Variants in CASZ1 observed in about 807,000 individuals in gnomAD.
The protein encoded by CASZ1 is castor zinc finger 1.
CASZ1 carries 28 observed loss-of-function variants against 135.2 expected under a neutral mutation model. That is an observed-to-expected ratio of 0.21 (90% confidence interval 0.15 to 0.28). The LOEUF (loss-of-function observed/expected upper bound fraction) is 0.28, where lower values mean the gene tolerates loss of function less well. Ranked by LOEUF, CASZ1 falls within the 10% of genes least tolerant of loss-of-function variation. The probability of loss-of-function intolerance (pLI) is 1.00; values close to 1 mark genes in which losing one functional copy is unlikely to be tolerated. For missense variants in CASZ1, 2,161 were observed against 2,453.3 expected (o/e 0.88, Z 2.52); for synonymous variants, 1,068 against 1,073.4 (o/e 0.99, Z 0.10).
Position 10,702,502 on chromosome 1 carries a change from G to A in CASZ1, c.-24+2990C>T, listed in dbSNP as rs569109831. On this transcript the variant is annotated intron_variant, in intron 3 of 20. Coordinates refer to ENST00000377022, the MANE Select transcript of CASZ1 (RefSeq NM_001079843.3). ...CAGGGAACTCACCCACAAAATCCAAGCCAGCCCCATCAGTCACTTGTTAGA... is the reference window on the plus strand; with the variant it reads ...CAGGGAACTCACCCACAAAATCCAAACCAGCCCCATCAGTCACTTGTTAGA... 2.6e-3 allele frequency among the ~76,000 whole-genome samples: 397 copies of A among 152,320 alleles called. 1 individual carries two copies. Among genetic ancestry groups the A allele is most frequent in the African/African-American group, 9.3e-3 (385 of 41,576 alleles).
At chr1:10,751,718 T>G (rs1259716864) in intron 2 of CASZ1, among the ~76,000 whole-genome samples, 1 of 152,170 alleles carries the variant, frequency 6.6e-6, no homozygotes, top group Admixed American at 6.5e-5. Flanking sequence ...GGCCCCCTTC[T>G]GCTCACACCA....
rs1376217670 is a variant in CASZ1 at position 10,739,777 on chromosome 1, C to A, written c.-77+20924G>T. Among the ~76,000 whole-genome samples the A allele has an allele frequency of 6.6e-6, 1 of 152,200 alleles. No individual in the cohort carries two copies. Among genetic ancestry groups the A allele is most frequent in the African/African-American group, 2.4e-5 (1 of 41,452 alleles). On this transcript the variant is annotated intron_variant, in intron 2 of 20. Coordinates refer to ENST00000377022, the MANE Select transcript of CASZ1 (RefSeq NM_001079843.3). The surrounding 1 kb of genome is among the most constrained non-coding windows in gnomAD (Gnocchi z 4.8). ...TTCTGGTTCCCGATTAAACCTTGAC[C>A]TCTCTAGCACATGCCTTTTGCCACC...
At chr1:10,730,180 G>A (rs761772132) in intron 2 of CASZ1, among the ~76,000 whole-genome samples, 4 of 149,374 alleles carry the variant, frequency 2.7e-5, no homozygotes, top group East Asian at 2.0e-4. Flanking sequence ...GTGTGATCTC[G>A]GGTCGCTGCA....
At chr1:10,744,373 C>A (rs1639998724) in intron 2 of CASZ1, among the ~76,000 whole-genome samples, 1 of 148,550 alleles carries the variant, frequency 6.7e-6, no homozygotes, top group Non-Finnish European at 1.5e-5. Context: ...GTCCTGGGCA[C>A]CACGAGCAGG....
chr1:10,715,650 C>T (rs1639368185), intron 2 of CASZ1, among the ~76,000 whole-genome samples: 1 of 145,704 alleles, frequency 6.9e-6, no homozygotes, highest in African/African-American at 2.6e-5. Context: ...CCCCACAGCA[C>T]CCAATCCGCA....
intron 2 of CASZ1, among the ~76,000 whole-genome samples, chr1:10,748,196 G>A (rs149863067): frequency 5.3e-5 from 8 of 152,280 alleles, no homozygotes; most frequent in Non-Finnish European, 1.0e-4. Flanking sequence ...TGCCAGGCCC[G>A]GCCTGTCCTT....
In CASZ1 at chr1:10,756,512, A is replaced by G. The variant is rs538446828; in HGVS notation, c.-77+4189T>C. Among the ~76,000 whole-genome samples the G allele has an allele frequency of 2.6e-5, 4 of 152,330 alleles. No individual in the cohort carries two copies. In the East Asian group the frequency reaches 7.7e-4, roughly 29 times the overall value. ...GGCCTCTGGCTTGCTCCAGGGCTAC[A>G]GGGCAGTGCCCAGGGCGGCATGGGG... On this transcript the variant is annotated intron_variant, in intron 2 of 20. Transcript: ENST00000377022. This position sits in a 1 kb window ranked among gnomAD's most constrained non-coding sequence, Gnocchi z 5.9.
Position 10,771,657 on chromosome 1 carries a change from TTCCTCC to T in CASZ1, c.-233-10806_-233-10801del, listed in dbSNP as rs34581008. ...TTTCTAATGAATTAATTTCACCTCT[TTCCTCC>T]TCCTCCTCCTCCTCCTCCTCTTCCT... On this transcript the variant is annotated intron_variant, in intron 1 of 20. Coordinates refer to ENST00000377022, the MANE Select transcript of CASZ1 (RefSeq NM_001079843.3). Among the ~76,000 whole-genome samples, 88 of 150,602 alleles carry T rather than the reference TTCCTCC, an allele frequency of 5.8e-4. 2 individuals carry two copies. Among genetic ancestry groups the T allele is most frequent in the Middle Eastern group, 3.4e-3 (1 of 292 alleles).
rs899185549 is a variant in CASZ1, at chr1:10,676,812, CT to C, written c.17-11242del. Reference sequence around the variant, plus strand: ...GCCTGCATGGAGAAGAGATGCTGGGCTGGGCCAGAGACTCTCTCTAACATCC... The same window carrying C: ...GCCTGCATGGAGAAGAGATGCTGGGCGGGCCAGAGACTCTCTCTAACATCC... On this transcript the variant is annotated intron_variant, in intron 4 of 20. Coordinates refer to ENST00000377022, the MANE Select transcript of CASZ1 (RefSeq NM_001079843.3). The surrounding 1 kb of genome is among the most constrained non-coding windows in gnomAD (Gnocchi z 4.5). 1.4e-4 allele frequency among the ~76,000 whole-genome samples: 22 copies of C among 152,232 alleles called. No individual in the cohort carries two copies. Among genetic ancestry groups the C allele is most frequent in the Non-Finnish European group, 7.3e-5 (5 of 68,030 alleles).
chr1:10,644,471 A>G (rs1443966703), intron 18 of CASZ1, among the ~76,000 whole-genome samples: 3 of 152,086 alleles, frequency 2.0e-5, no homozygotes, highest in Non-Finnish European at 4.4e-5. Flanking sequence ...CTGTCCCTCC[A>G]TAAATAACTG....
rs200271122 is a variant in CASZ1, at chr1:10,693,919, A to G, written c.-23-7T>C. The G allele has an allele frequency of 8.7e-4, 1,401 of 1,612,668 alleles. 18 individuals carry two copies. In the African/African-American group the frequency reaches 0.017, roughly 19 times the overall value. ...TTCTCCTTGGTCCCAAACTCTTCGCAGAACGCCACCAGGGGAAGACCGGGA... is the reference window on the plus strand; with the variant it reads ...TTCTCCTTGGTCCCAAACTCTTCGCGGAACGCCACCAGGGGAAGACCGGGA... On this transcript the variant is annotated splice_region_variant and splice_polypyrimidine_tract_variant and intron_variant, in intron 3 of 20. Coordinates refer to ENST00000377022, the MANE Select transcript of CASZ1 (RefSeq NM_001079843.3).
intron 2 of CASZ1, among the ~76,000 whole-genome samples, chr1:10,753,994 G>A (rs1640199256): frequency 6.6e-6 from 1 of 152,034 alleles, no homozygotes; most frequent in Non-Finnish European, 1.5e-5. Context: ...GATGGCATCT[G>A]CCCCTCACTC....
intron 2 of CASZ1, among the ~76,000 whole-genome samples, chr1:10,743,248 T>G (rs986845623): frequency 1.3e-5 from 2 of 151,360 alleles, no homozygotes; most frequent in Non-Finnish European, 2.9e-5. Flanking sequence ...CAGGGTCCAG[T>G]TAGCTGTCCC....
At chr1:10,792,328 C>G (rs1243490134) in intron 1 of CASZ1, among the ~76,000 whole-genome samples, 2 of 16,112 alleles carry the variant, frequency 1.2e-4, no homozygotes, top group Admixed American at 3.1e-4. Flanking sequence ...CTCCCCCCCG[C>G]CCCCCCCCCC....
chr1:10,667,725 A>G (rs1643278572), intron 4 of CASZ1, among the ~76,000 whole-genome samples: 1 of 152,062 alleles, frequency 6.6e-6, no homozygotes, highest in Non-Finnish European at 1.5e-5. Flanking sequence ...CAGCAAATGA[A>G]TCTGTAAATA....
intron 1 of CASZ1, among the ~76,000 whole-genome samples, chr1:10,768,172 C>T (rs1003228014): frequency 3.3e-5 from 5 of 152,178 alleles, no homozygotes; most frequent in Admixed American, 1.3e-4. Context: ...TATCTTGGAC[C>T]CTCTGCTCAG....
chr1:10,653,390 G>A lies in CASZ1; in HGVS notation c.2667C>T (p.Ala889=). The change falls in exon 11 of 21, where the codon GCC becomes GCT. Residue 889 remains alanine, a synonymous_variant. Transcript: ENST00000377022. ...CAGCCTGCTCACCTGGGTCAAAGGTGGCAGAGGGCTTGAGGGCAGCTGCAG... is the reference window on the plus strand; with the variant it reads ...CAGCCTGCTCACCTGGGTCAAAGGTAGCAGAGGGCTTGAGGGCAGCTGCAG... ...RLAAAALKPS[A]TFDPGSGQQV... 1 of 1,613,248 alleles carries A rather than the reference G, an allele frequency of 6.2e-7. No homozygotes were observed. The highest frequency in any genetic ancestry group is 8.5e-7 in the Non-Finnish European group (1 of 1,180,004).
chr1:10,656,671 C>T lies in CASZ1; in HGVS notation c.1475G>A (p.Cys492Tyr). Residue 492 changes from cysteine (C) to tyrosine (Y), a missense_variant, in exon 8 of 21, where the codon TGC becomes TAC. Around this residue, in one of 7 missense-constraint regions of CASZ1, gnomAD observed 248 missense variants for 410.8 expected, o/e 0.60. Transcript: ENST00000377022. ...CTGGTAGTTACACTCAGGGTCAAGGCAGTGGTAGTGCTCGCGGTACTGGTA... is the reference window on the plus strand; with the variant it reads ...CTGGTAGTTACACTCAGGGTCAAGGTAGTGGTAGTGCTCGCGGTACTGGTA... ...CAYQYREHYH[C>Y]LDPECNYQRF... 1 of 1,602,694 alleles carries T rather than the reference C, an allele frequency of 6.2e-7. No individual in the cohort carries two copies. The highest frequency in any genetic ancestry group is 8.5e-7 in the Non-Finnish European group (1 of 1,175,438).
rs747579390 is a variant in CASZ1, at chr1:10,646,293, G to A, written c.3531C>T (p.Ala1177=). Residue 1177 remains alanine, a synonymous_variant, in exon 17 of 21, where the codon GCC becomes GCT. Coordinates refer to ENST00000377022, the MANE Select transcript of CASZ1 (RefSeq NM_001079843.3). This position sits in a 1 kb window ranked among gnomAD's most constrained non-coding sequence, Gnocchi z 6.4. ...DPCLATDCKY[A]NKFHFHCLFG... Reference sequence around the variant, plus strand: ...AGAGACAGTGGAAGTGGAACTTGTTGGCGTACTTGCAGTCCGTGGCGAGGC... The same window carrying A: ...AGAGACAGTGGAAGTGGAACTTGTTAGCGTACTTGCAGTCCGTGGCGAGGC... 1 of 1,614,152 alleles carries A rather than the reference G, an allele frequency of 6.2e-7. No individual in the cohort carries two copies. The highest frequency in any genetic ancestry group is 2.2e-5 in the East Asian group (1 of 44,892).
Sources: allele counts gnomAD v4.1 joint callset (sites outside exome capture counted in the v4.1 genomes callset), GRCh38; gene constraint gnomAD v4.1.1; regional missense constraint gnomAD v4.1.1; non-coding constraint Gnocchi (gnomAD v3.1); transcripts MANE v1.5; gene names NCBI Gene and HGNC (gene_info 2026-07-23, HGNC 2026-07-21).